The following CTDSP2 variants were observed in gnomAD, a reference collection of about 807,000 sequenced individuals.
CTDSP2 encodes CTD small phosphatase 2.
CTDSP2 carries 9 observed loss-of-function variants against 31.6 expected under a neutral mutation model. That is an observed-to-expected ratio of 0.28 (90% CI 0.17 to 0.50). The LOEUF is 0.50. Among genes scored for constraint, CTDSP2 ranks in the 20% least tolerant of loss-of-function variants. CTDSP2 has a pLI of 0.98. For missense variants in CTDSP2, 267 were observed against 348.5 expected (o/e 0.77, Z 1.86); for synonymous variants, 134 against 134.5 (o/e 1.00, Z 0.03).
intron 1 of CTDSP2, among the ~76,000 whole-genome samples, chr12:57,846,139 G>A (rs996445298): frequency 6.6e-6 from 1 of 152,216 alleles, no homozygotes; most frequent in African/African-American, 2.4e-5. Flanking sequence ...TTGCGGGACA[G>A]GGTGACAGCT....
At chr12:57,831,737 T>C (rs1297151531) in intron 1 of CTDSP2, among the ~76,000 whole-genome samples, 5 of 152,162 alleles carry the variant, frequency 3.3e-5, no homozygotes. Flanking sequence ...CCTCTGTCTT[T>C]GTGGGGAAAA....
At chr12:57,836,671 C>A (rs571767122) in intron 1 of CTDSP2, among the ~76,000 whole-genome samples, 1 of 151,886 alleles carries the variant, frequency 6.6e-6, no homozygotes, top group Non-Finnish European at 1.5e-5. Flanking sequence ...TGTACAAACA[C>A]GTGAACACGT....
intron 5 of CTDSP2, 34 bp downstream of exon 5, chr12:57,826,312 C>G: frequency 6.2e-7 from 1 of 1,608,382 alleles, no homozygotes; most frequent in South Asian, 1.1e-5. Context: ...ACCCCCCACC[C>G]TCTGGGCTGG....
In CTDSP2 at chr12:57,820,649, C is replaced by CAAGAGGAAGCT. The variant is rs1358026173; in HGVS notation, c.*2942_*2952dup. 6.6e-6 allele frequency: 1 copy of CAAGAGGAAGCT among 152,608 alleles called. No individual in the cohort carries two copies. Among genetic ancestry groups the CAAGAGGAAGCT allele is most frequent in the Non-Finnish European group, 1.5e-5 (1 of 68,056 alleles). The allele number at this position is 152,608 out of a possible 1,614,324, so 9.5% of individuals were successfully genotyped here. A position where few individuals can be genotyped will look rare whatever the true frequency, so the allele number is the denominator to read the frequency against. On this transcript the variant is annotated 3_prime_UTR_variant, in exon 8 of 8. Coordinates refer to ENST00000398073, the MANE Select transcript of CTDSP2 (RefSeq NM_005730.4). ...CAAAATGCTTAAAATCTTTGGGAAG[C>CAAGAGGAAGCT]AAGAGGAAGCTAAACAGAAGGTCCC...
At chr12:57,837,580 A>T (rs2140482060) in intron 1 of CTDSP2, among the ~76,000 whole-genome samples, 1 of 151,948 alleles carries the variant, frequency 6.6e-6, no homozygotes, top group Middle Eastern at 3.4e-3. Context: ...AATCCCAGCT[A>T]CTCCGGAGGC....
In CTDSP2 at chr12:57,823,085, GC is replaced by G. The variant is rs1956157884; in HGVS notation, c.*516del. On this transcript the variant is annotated 3_prime_UTR_variant, in exon 8 of 8. Coordinates refer to ENST00000398073, the MANE Select transcript of CTDSP2 (RefSeq NM_005730.4). ...CCAGAAATGTGATCTTTTGTCTGCAGCAGCTGGCTGGAGAAGGATTTCAGAA... is the reference window on the plus strand; with the variant it reads ...CCAGAAATGTGATCTTTTGTCTGCAGAGCTGGCTGGAGAAGGATTTCAGAA... 6.4e-6 allele frequency: 1 copy of G among 156,602 alleles called. No individual in the cohort carries two copies. The highest frequency in any genetic ancestry group is 1.4e-5 in the Non-Finnish European group (1 of 70,446). 9.7% of individuals were successfully genotyped at this position (156,602 alleles called of 1,614,324 possible).
chr12:57,824,463 C>T (rs1402839848), intron 5 of CTDSP2, 144 bp from the exon 6 acceptor site: 3 of 687,896 alleles, frequency 4.4e-6, no homozygotes, highest in East Asian at 5.5e-5. Flanking sequence ...AAGCCTGCGG[C>T]CCCCTGAGAC....
rs761716193 is a variant in CTDSP2 at position 57,827,551 on chromosome 12, C to T, written c.252+1G>A. 2.5e-6 allele frequency: 4 copies of T among 1,613,914 alleles called. No homozygotes were observed. The highest frequency in any genetic ancestry group is 3.4e-6 in the Non-Finnish European group (4 of 1,179,966). On this transcript the variant is annotated splice_donor_variant, in intron 3 of 7. Transcript: ENST00000398073. LOFTEE classifies it high-confidence loss of function. ...GTACTTACCAGGCCAGAGTCACGTA[C>T]CTGGTAGAACTGGTACTGGAGACAC...
At chr12:57,839,052 A>G (rs1264747844) in intron 1 of CTDSP2, among the ~76,000 whole-genome samples, 5 of 152,304 alleles carry the variant, frequency 3.3e-5, no homozygotes, top group African/African-American at 1.2e-4. Flanking sequence ...ACACACATAC[A>G]CACTCATTGA....
At chr12:57,831,341 C>T in intron 1 of CTDSP2, among the ~76,000 whole-genome samples, 1 of 151,834 alleles carries the variant, frequency 6.6e-6, no homozygotes, top group Non-Finnish European at 1.5e-5. Flanking sequence ...TAATCCCAGC[C>T]ACTTGGGAGG....
intron 1 of CTDSP2, among the ~76,000 whole-genome samples, chr12:57,844,479 G>A (rs547974351): frequency 6.6e-6 from 1 of 152,260 alleles, no homozygotes; most frequent in Admixed American, 6.5e-5. Context: ...CTGCAAGAGA[G>A]TCCCTGCAAG....
chr12:57,826,297 G>C (rs748072886), intron 5 of CTDSP2, 49 bp downstream of exon 5: 4 of 1,582,370 alleles, frequency 2.5e-6, no homozygotes, highest in African/African-American at 1.3e-5. Context: ...TGAGGCAGAA[G>C]GCAGACCCCC....
At chr12:57,830,384 C>CA (rs901208811) in intron 1 of CTDSP2, among the ~76,000 whole-genome samples, 13 of 151,372 alleles carry the variant, frequency 8.6e-5, no homozygotes, top group African/African-American at 2.2e-4. Flanking sequence ...GACTCCGTCT[C>CA]AAAAAAACAA....
intron 1 of CTDSP2, among the ~76,000 whole-genome samples, chr12:57,838,276 G>A (rs569724444): frequency 3.5e-4 from 53 of 152,306 alleles, no homozygotes; most frequent in African/African-American, 1.2e-3. Flanking sequence ...CAGGGCAGCA[G>A]GGACAAGCCT....
At chr12:57,830,999 C>T (rs1336972167) in intron 1 of CTDSP2, among the ~76,000 whole-genome samples, 4 of 150,566 alleles carry the variant, frequency 2.7e-5, no homozygotes, top group Non-Finnish European at 4.4e-5. Context: ...CCGCCCATCT[C>T]GGCCTTCCAA....
rs1208854075 is a variant in CTDSP2, at chr12:57,823,496, G to A, written c.*106C>T. 1.9e-5 allele frequency: 25 copies of A among 1,338,154 alleles called. No individual in the cohort carries two copies. Among genetic ancestry groups the A allele is most frequent in the Non-Finnish European group, 2.5e-5 (24 of 971,998 alleles). 82.9% of individuals were successfully genotyped at this position (1,338,154 alleles called of 1,614,324 possible). ...TTCCAGTTACTTCCCGCTGTTTCCG[G>A]GCCGTGTGGTGAGGCACTCCAGCTT... On this transcript the variant is annotated 3_prime_UTR_variant, in exon 8 of 8. Coordinates refer to ENST00000398073, the MANE Select transcript of CTDSP2 (RefSeq NM_005730.4).
intron 1 of CTDSP2, 79 bp downstream of exon 1, chr12:57,846,293 C>A: frequency 7.3e-7 from 1 of 1,376,488 alleles, no homozygotes; most frequent in Admixed American, 2.0e-5. Context: ...GGTCAAGGGC[C>A]GAGACCTGGG....
At chr12:57,828,202 C>T (rs573213624) in intron 2 of CTDSP2, among the ~76,000 whole-genome samples, 18 of 152,206 alleles carry the variant, frequency 1.2e-4, no homozygotes, top group Non-Finnish European at 1.8e-4. Flanking sequence ...CGCGGATCAC[C>T]TGAGGTCAGG....
Position 57,823,640 on chromosome 12 carries a change from C to T in CTDSP2, c.778G>A (p.Asp260Asn). 1 of 1,614,086 alleles carries T rather than the reference C, an allele frequency of 6.2e-7. No individual in the cohort carries two copies. Among genetic ancestry groups the T allele is most frequent in the South Asian group, 1.1e-5 (1 of 91,078 alleles). Reference sequence around the variant, plus strand: ...AGCTGCCCAAGGCTGGTGTAGACGTCCTCTGCTCCGCTCAGCTCCTCAAAG... The same window carrying T: ...AGCTGCCCAAGGCTGGTGTAGACGTTCTCTGCTCCGCTCAGCTCCTCAAAG... The part of the protein sequence containing the change: ...PIFEELSGAE[D>N]VYTSLGQLRA... The change falls in exon 8 of 8, where the codon GAC becomes AAC. Residue 260 changes from aspartate to asparagine, a missense_variant. This residue lies in a region of CTDSP2 where 156 missense variants were observed against 241.3 expected (regional missense o/e 0.65). Coordinates refer to ENST00000398073, the MANE Select transcript of CTDSP2 (RefSeq NM_005730.4).
Sources: gnomAD v4.1 joint callset for allele counts (sites outside exome capture counted in the v4.1 genomes callset) on GRCh38, gnomAD v4.1.1 for gene constraint, gnomAD v4.1.1 regional missense constraint, MANE v1.5 for transcripts, NCBI Gene and HGNC (gene_info 2026-07-23, HGNC 2026-07-21) for gene names.